RGPD2: variants seen among roughly 807,000 people sequenced by gnomAD.
RGPD2 encodes RANBP2 like and GRIP domain containing 2.
A neutral mutation model predicts 36.0 loss-of-function variants in RGPD2; 2 were observed. That is an observed-to-expected ratio of 0.06 (90% CI 0.02 to 0.17). The LOEUF (loss-of-function observed/expected upper bound fraction) is 0.17, where lower values mean the gene tolerates loss of function less well. Ranked by LOEUF, RGPD2 falls within the 10% of genes least tolerant of loss-of-function variation. RGPD2 has a pLI of 1.00. For missense variants in RGPD2, 40 were observed against 464.3 expected, an observed-to-expected ratio of 0.09 and a Z score of 8.40; for synonymous variants, 19 against 163.8, an observed-to-expected ratio of 0.12 and a Z score of 6.75.
chr2:87,915,086 G>T, the RGPD2 span, among the ~76,000 whole-genome samples: 4 of 151,822 alleles, frequency 2.6e-5, no homozygotes, highest in Non-Finnish European at 5.9e-5. Flanking sequence ...GGTGGAGGTT[G>T]CAGTGAGCCA....
At chr2:87,887,041 GAAA>G in the RGPD2 span, among the ~76,000 whole-genome samples, 1 of 145,710 alleles carries the variant, frequency 6.9e-6, no homozygotes, top group African/African-American at 2.5e-5. Flanking sequence ...GTTTTAAAAT[GAAA>G]AAAAAAAATT....
the RGPD2 span, among the ~76,000 whole-genome samples, chr2:87,927,956 CAGTT>C: frequency 1.8e-4 from 22 of 122,128 alleles, no homozygotes; most frequent in Admixed American, 1.6e-3. Context: ...CATTTAATGT[CAGTT>C]AGTTAAATCA....
At chr2:87,947,991 T>C in the RGPD2 span, among the ~76,000 whole-genome samples, 1 of 151,712 alleles carries the variant, frequency 6.6e-6, no homozygotes, top group African/African-American at 2.4e-5. Flanking sequence ...CTACAGCTTT[T>C]TCTCTCTCTC....
At chr2:87,815,392 A>T (rs1410104673) in intron 4 of RGPD2, among the ~76,000 whole-genome samples, 18 of 23,696 alleles carry the variant, frequency 7.6e-4, no homozygotes, top group Admixed American at 3.1e-3. Context: ...TGCTCAAAAA[A>T]TTTCAGATTT....
the RGPD2 span, among the ~76,000 whole-genome samples, chr2:87,905,433 C>T: frequency 2.0e-5 from 3 of 152,082 alleles, no homozygotes; most frequent in Non-Finnish European, 2.9e-5. Flanking sequence ...GTGAAACAAA[C>T]ACCAGATAAA....
At chr2:87,870,571 C>A in the RGPD2 span, among the ~76,000 whole-genome samples, 1 of 152,128 alleles carries the variant, frequency 6.6e-6, no homozygotes, top group Non-Finnish European at 1.5e-5. Flanking sequence ...AAAAGCCTAG[C>A]CCTCTGTGGT....
the RGPD2 span, among the ~76,000 whole-genome samples, chr2:87,880,869 G>A: frequency 9.5e-6 from 1 of 104,870 alleles, no homozygotes; most frequent in African/African-American, 4.0e-5. Context: ...CCACTTATGA[G>A]TCTGTGAAAT....
the RGPD2 span, among the ~76,000 whole-genome samples, chr2:87,860,944 G>A: frequency 6.6e-6 from 1 of 151,574 alleles, no homozygotes; most frequent in Admixed American, 6.6e-5. Context: ...TATGATCTTG[G>A]AAACTTGTCA....
At chr2:87,883,480 A>T in the RGPD2 span, among the ~76,000 whole-genome samples, 1 of 152,134 alleles carries the variant, frequency 6.6e-6, no homozygotes, top group Non-Finnish European at 1.5e-5. Context: ...TTACAAAAAA[A>T]AAGTATATGA....
chr2:87,846,071 G>C, the RGPD2 span, among the ~76,000 whole-genome samples: 1 of 150,986 alleles, frequency 6.6e-6, no homozygotes, highest in Non-Finnish European at 1.5e-5. Flanking sequence ...ATTGTGCATA[G>C]TGTTTTGTAT....
the RGPD2 span, among the ~76,000 whole-genome samples, chr2:87,884,911 A>G: frequency 6.6e-6 from 1 of 152,182 alleles, no homozygotes; most frequent in Non-Finnish European, 1.5e-5. Flanking sequence ...AATTGAAGAG[A>G]AAAAGAGTAC....
chr2:87,852,537 A>G, the RGPD2 span, among the ~76,000 whole-genome samples: 2 of 152,242 alleles, frequency 1.3e-5, no homozygotes, highest in African/African-American at 4.8e-5. Flanking sequence ...CTTCCCATTT[A>G]TTGGACAGAA....
At chr2:87,861,381 A>G in the RGPD2 span, among the ~76,000 whole-genome samples, 3 of 152,124 alleles carry the variant, frequency 2.0e-5, no homozygotes, top group East Asian at 5.8e-4. Flanking sequence ...CTGGTTTGAC[A>G]TGCCTTTAAT....
chr2:87,984,194 G>A, the RGPD2 span, among the ~76,000 whole-genome samples: 1 of 151,110 alleles, frequency 6.6e-6, no homozygotes, highest in African/African-American at 2.4e-5. Flanking sequence ...GCTGGCAAAG[G>A]TTCACCACAC....
chr2:87,984,259 G>T, the RGPD2 span, among the ~76,000 whole-genome samples: 1 of 152,106 alleles, frequency 6.6e-6, no homozygotes, highest in Non-Finnish European at 1.5e-5. Context: ...AGTAAGAATG[G>T]CACCGGCGAA....
At chr2:87,906,847 G>A in the RGPD2 span, among the ~76,000 whole-genome samples, 1 of 147,802 alleles carries the variant, frequency 6.8e-6, no homozygotes, top group Non-Finnish European at 1.5e-5. Context: ...TGAGCCCAGA[G>A]AGGTTGAGGC....
the RGPD2 span, among the ~76,000 whole-genome samples, chr2:87,903,064 TATTA>T: frequency 7.6e-4 from 102 of 134,630 alleles, no homozygotes; most frequent in African/African-American, 2.7e-3. Context: ...TCAAATCTTA[TATTA>T]ATTAATTTTG....
chr2:87,758,115 CA>C (rs1455901039), intron 22 of RGPD2, among the ~76,000 whole-genome samples: 4 of 150,270 alleles, frequency 2.7e-5, no homozygotes, highest in African/African-American at 9.8e-5. Context: ...CCCAATAATT[CA>C]AGCTGCATTT....
the RGPD2 span, among the ~76,000 whole-genome samples, chr2:87,914,061 A>G: frequency 6.6e-6 from 1 of 151,980 alleles, no homozygotes; most frequent in Non-Finnish European, 1.5e-5. Context: ...TTATTGTCAT[A>G]ATATTTCTAA....
Sources: gnomAD v4.1 joint callset for allele counts (sites outside exome capture counted in the v4.1 genomes callset) on GRCh38, gnomAD v4.1.1 for gene constraint, MANE v1.5 for transcripts, NCBI Gene and HGNC (gene_info 2026-07-23, HGNC 2026-07-21) for gene names.